Variants in FIGN observed in about 807,000 individuals in gnomAD.
The protein encoded by FIGN is fidgetin.
In FIGN, 11 loss-of-function variants were observed where a neutral mutation model predicts 51.3. The observed-to-expected ratio is 0.21, with a 90% CI of 0.13 to 0.35. The LOEUF (loss-of-function observed/expected upper bound fraction) is 0.35, where lower values mean the gene tolerates loss of function less well. FIGN is among the 10% of genes least tolerant of loss of function. The pLI is 1.00. For synonymous variants in FIGN, 407 were observed against 363.2 expected (o/e 1.12, Z -1.37); for missense variants, 857 against 943.6 (o/e 0.91, Z 1.20).
intron 2 of FIGN, among the ~76,000 whole-genome samples, chr2:163,728,783 C>A (rs1684881745): frequency 6.6e-6 from 1 of 152,152 alleles, no homozygotes; most frequent in Non-Finnish European, 1.5e-5. Context: ...CCCCACCACA[C>A]AATACAGGGC....
chr2:163,702,983 C>A (rs990282413), intron 2 of FIGN, among the ~76,000 whole-genome samples: 1 of 151,046 alleles, frequency 6.6e-6, no homozygotes, highest in African/African-American at 2.4e-5. Flanking sequence ...TATCCCTGAA[C>A]AGGTTGAGCA....
intron 2 of FIGN, among the ~76,000 whole-genome samples, chr2:163,678,331 C>T (rs1449582671): frequency 2.6e-5 from 4 of 152,112 alleles, no homozygotes; most frequent in Admixed American, 6.5e-5. Flanking sequence ...ACTGATTCTC[C>T]CGCCTCAGCC....
At chr2:163,613,443 G>T (rs1413708229) in intron 2 of FIGN, among the ~76,000 whole-genome samples, 1 of 152,046 alleles carries the variant, frequency 6.6e-6, no homozygotes, top group African/African-American at 2.4e-5. Flanking sequence ...CTTCCTCCAA[G>T]CTCTGTGGCT....
intron 2 of FIGN, among the ~76,000 whole-genome samples, chr2:163,676,751 A>G (rs1281306169): frequency 6.6e-6 from 1 of 152,064 alleles, no homozygotes; most frequent in Non-Finnish European, 1.5e-5. Flanking sequence ...GTCATCTGTT[A>G]GCCTGAAACA....
chr2:163,636,869 C>T (rs1271173065), intron 2 of FIGN, among the ~76,000 whole-genome samples: 2 of 151,610 alleles, frequency 1.3e-5, no homozygotes, highest in Non-Finnish European at 2.9e-5. Context: ...GAAAAAGAAA[C>T]ACTTTCACTA....
chr2:163,628,805 G>A (rs1342361509), intron 2 of FIGN, among the ~76,000 whole-genome samples: 2 of 152,110 alleles, frequency 1.3e-5, no homozygotes, highest in African/African-American at 4.8e-5. Flanking sequence ...AGAGATTGTG[G>A]TGGATACTGC....
chr2:163,715,385 C>T (rs1319519502), intron 2 of FIGN, among the ~76,000 whole-genome samples: 1 of 152,158 alleles, frequency 6.6e-6, no homozygotes, highest in African/African-American at 2.4e-5. Context: ...CCAGAAGGGT[C>T]ATTCCTCCTT....
intron 2 of FIGN, among the ~76,000 whole-genome samples, chr2:163,690,246 A>G (rs1684219272): frequency 6.6e-6 from 1 of 152,216 alleles, no homozygotes. Context: ...CAAACAGGAC[A>G]TGACACCAGG....
intron 2 of FIGN, among the ~76,000 whole-genome samples, chr2:163,651,484 C>G (rs1683476957): frequency 6.6e-6 from 1 of 152,082 alleles, no homozygotes; most frequent in South Asian, 2.1e-4. Context: ...AAAAAAAGTT[C>G]AACTGTTCAA....
At chr2:163,735,577 A>G (rs1685002325) in intron 1 of FIGN, among the ~76,000 whole-genome samples, 1 of 152,228 alleles carries the variant, frequency 6.6e-6, no homozygotes, top group Non-Finnish European at 1.5e-5. Flanking sequence ...GATTCTTGCA[A>G]TCGCGAACTC....
At chr2:163,621,838 G>C (rs1380331320) in intron 2 of FIGN, among the ~76,000 whole-genome samples, 1 of 152,124 alleles carries the variant, frequency 6.6e-6, no homozygotes, top group African/African-American at 2.4e-5. Flanking sequence ...CATCTTCAAA[G>C]GAAGTGGCAT....
Position 163,734,956 on chromosome 2 carries a change from T to C in FIGN, c.-29A>G. ...TTGCTGGCAGCACAAAAAGCTGAAT[T>C]GGATTTCTCACAAGCAGGAATTCCA... On this transcript the variant is annotated 5_prime_UTR_variant, in exon 2 of 3. Coordinates refer to ENST00000333129, the MANE Select transcript of FIGN (RefSeq NM_018086.4). 6.2e-7 allele frequency: 1 copy of C among 1,610,876 alleles called. No individual in the cohort carries two copies. The highest frequency in any genetic ancestry group is 8.5e-7 in the Non-Finnish European group (1 of 1,178,806).
chr2:163,632,009 A>T (rs1255681056), intron 2 of FIGN, among the ~76,000 whole-genome samples: 1 of 152,096 alleles, frequency 6.6e-6, no homozygotes, highest in Non-Finnish European at 1.5e-5. Context: ...TTAGCCAGGC[A>T]TAGTGGCGCG....
At chr2:163,693,464 C>CA (rs1445329156) in intron 2 of FIGN, among the ~76,000 whole-genome samples, 1 of 151,902 alleles carries the variant, frequency 6.6e-6, no homozygotes, top group Non-Finnish European at 1.5e-5. Flanking sequence ...AGTGAATCAG[C>CA]AAAAAAGCAT....
At chr2:163,612,573 G>A (rs1437452471) in intron 2 of FIGN, 10 of 982,534 alleles carry the variant, frequency 1.0e-5, no homozygotes, top group Admixed American at 6.3e-5. Context: ...TCTCAGTTCT[G>A]TTGTTGAGTC....
chr2:163,663,015 G>A (rs2105328773), intron 2 of FIGN, among the ~76,000 whole-genome samples: 1 of 152,202 alleles, frequency 6.6e-6, no homozygotes, highest in African/African-American at 2.4e-5. Context: ...CCCAGTCTTG[G>A]TATGTCTTTG....
chr2:163,676,484 A>ATCTAT (rs1491432139), intron 2 of FIGN, among the ~76,000 whole-genome samples: 3 of 55,702 alleles, frequency 5.4e-5, no homozygotes, highest in Admixed American at 2.4e-4. Context: ...TATATATATA[A>ATCTAT]CTAGAGTCTG....
chr2:163,667,174 C>A (rs1683792914), intron 2 of FIGN, among the ~76,000 whole-genome samples: 1 of 151,902 alleles, frequency 6.6e-6, no homozygotes, highest in Non-Finnish European at 1.5e-5. Flanking sequence ...ACAGACTCAC[C>A]AATACAACTG....
chr2:163,680,708 C>G (rs1215803505), intron 2 of FIGN, among the ~76,000 whole-genome samples: 1 of 152,008 alleles, frequency 6.6e-6, no homozygotes, highest in South Asian at 2.1e-4. Context: ...TGCTTCCCCC[C>G]AATCTTCCCC....
Sources: allele counts gnomAD v4.1 joint callset (sites outside exome capture counted in the v4.1 genomes callset), GRCh38; gene constraint gnomAD v4.1.1; transcripts MANE v1.5; gene names NCBI Gene and HGNC (gene_info 2026-07-23, HGNC 2026-07-21).